Variants in ARB2A observed in about 807,000 individuals in gnomAD.
ARB2A encodes ARB2 cotranscriptional regulator A.
the ARB2A span, among the ~76,000 whole-genome samples, chr5:93,904,892 A>C: frequency 6.6e-6 from 1 of 151,718 alleles, no homozygotes; most frequent in Non-Finnish European, 1.5e-5. Context: ...TCTATTAAGG[A>C]GTCAATGTCT....
the ARB2A span, among the ~76,000 whole-genome samples, chr5:93,839,824 T>A: frequency 3.5e-4 from 54 of 152,282 alleles, no homozygotes; most frequent in African/African-American, 1.2e-3. Flanking sequence ...CAGGTGTTAA[T>A]AGTAGTCTCT....
At chr5:93,809,029 A>G in the ARB2A span, among the ~76,000 whole-genome samples, 1 of 152,044 alleles carries the variant, frequency 6.6e-6, no homozygotes, top group South Asian at 2.1e-4. Flanking sequence ...TTAGCTGTAG[A>G]TGTACTTTCA....
chr5:93,752,640 C>G, the ARB2A span, among the ~76,000 whole-genome samples: 1 of 151,960 alleles, frequency 6.6e-6, no homozygotes, highest in East Asian at 1.9e-4. Flanking sequence ...AAGTCAAAAT[C>G]ACAGGATAAT....
At chr5:93,768,598 T>C in the ARB2A span, among the ~76,000 whole-genome samples, 59 of 152,040 alleles carry the variant, frequency 3.9e-4, no homozygotes, top group Non-Finnish European at 6.3e-4. Flanking sequence ...TGTGTATATA[T>C]ATGTATTTAG....
chr5:93,947,962 G>A, the ARB2A span, among the ~76,000 whole-genome samples: 23 of 152,010 alleles, frequency 1.5e-4, no homozygotes, highest in East Asian at 9.7e-4. Context: ...GAATAGTGCC[G>A]CAATAAACAT....
the ARB2A span, among the ~76,000 whole-genome samples, chr5:93,785,049 C>A: frequency 6.6e-6 from 1 of 152,120 alleles, no homozygotes; most frequent in African/African-American, 2.4e-5. Flanking sequence ...TTTTGCTTTC[C>A]AGCATATTTC....
chr5:93,824,262 A>G, the ARB2A span: 7 of 1,573,586 alleles, frequency 4.4e-6, no homozygotes, highest in African/African-American at 1.4e-5. Flanking sequence ...CAGGAGAACC[A>G]TTTTCCTATA....
At chr5:94,019,244 G>T in the ARB2A span, among the ~76,000 whole-genome samples, 1 of 152,116 alleles carries the variant, frequency 6.6e-6, no homozygotes, top group Non-Finnish European at 1.5e-5. Flanking sequence ...TCAGGACATA[G>T]GCATGGGCAA....
the ARB2A span, among the ~76,000 whole-genome samples, chr5:93,625,027 C>T: frequency 6.6e-6 from 1 of 152,182 alleles, no homozygotes; most frequent in East Asian, 1.9e-4. Flanking sequence ...AATATCATAA[C>T]TGATGGCACC....
chr5:94,093,918 T>C, the ARB2A span, among the ~76,000 whole-genome samples: 3 of 152,066 alleles, frequency 2.0e-5, no homozygotes, highest in South Asian at 6.2e-4. Flanking sequence ...AAAGGGAGAC[T>C]TAGAAAGATA....
At chr5:93,637,459 A>T in the ARB2A span, among the ~76,000 whole-genome samples, 2 of 148,104 alleles carry the variant, frequency 1.4e-5, no homozygotes, top group African/African-American at 2.5e-5. Flanking sequence ...GATAAACTCC[A>T]TTGCTTCGTT....
the ARB2A span, among the ~76,000 whole-genome samples, chr5:93,851,373 G>A: frequency 6.6e-6 from 1 of 152,164 alleles, no homozygotes; most frequent in African/African-American, 2.4e-5. Flanking sequence ...GCTGGTCATT[G>A]TAGTAATTTT....
At chr5:93,922,013 G>T in the ARB2A span, among the ~76,000 whole-genome samples, 2 of 152,106 alleles carry the variant, frequency 1.3e-5, no homozygotes, top group African/African-American at 4.8e-5. Context: ...CTAGATAGGG[G>T]TTCATAAGGA....
chr5:93,743,688 A>T, the ARB2A span: 1 of 337,984 alleles, frequency 3.0e-6, no homozygotes, highest in African/African-American at 2.4e-5. Flanking sequence ...TTTTTTTGAG[A>T]CGGAGTCTCG....
chr5:94,033,517 C>G, the ARB2A span, among the ~76,000 whole-genome samples: 1 of 152,122 alleles, frequency 6.6e-6, no homozygotes, highest in South Asian at 2.1e-4. Context: ...CTCCTCCACC[C>G]TAGTTCAAGC....
At chr5:93,851,277 G>A in the ARB2A span, among the ~76,000 whole-genome samples, 2 of 151,970 alleles carry the variant, frequency 1.3e-5, no homozygotes, top group African/African-American at 4.8e-5. Flanking sequence ...AGAAATCATG[G>A]CCTCCTGCCT....
At chr5:94,008,778 A>C in the ARB2A span, among the ~76,000 whole-genome samples, 1 of 152,146 alleles carries the variant, frequency 6.6e-6, no homozygotes, top group Admixed American at 6.5e-5. Context: ...TTGGTCCTCA[A>C]GACTATCTTA....
chr5:93,800,232 T>C, the ARB2A span, among the ~76,000 whole-genome samples: 1 of 152,082 alleles, frequency 6.6e-6, no homozygotes, highest in South Asian at 2.1e-4. Context: ...TTGACTATAG[T>C]GGTAATCTTT....
the ARB2A span, among the ~76,000 whole-genome samples, chr5:93,831,512 C>A: frequency 4.6e-5 from 7 of 152,074 alleles, no homozygotes; most frequent in African/African-American, 1.7e-4. Context: ...TGGGATGAGA[C>A]AGGCAATGCA....
Sources: gnomAD v4.1 joint callset for allele counts (sites outside exome capture counted in the v4.1 genomes callset) on GRCh38, gnomAD v4.1.1 for gene constraint, MANE v1.5 for transcripts, NCBI Gene and HGNC (gene_info 2026-07-23, HGNC 2026-07-21) for gene names.